Variants in SYT11 observed in about 807,000 individuals in gnomAD.
The protein encoded by SYT11 is synaptotagmin 11, also known as synaptotagmin-11.
In SYT11, 12 loss-of-function variants were observed where a neutral mutation model predicts 30.4. The ratio of observed to expected loss-of-function variants is 0.39; its 90% CI spans 0.25 to 0.64. The LOEUF (loss-of-function observed/expected upper bound fraction) is 0.64, where lower values mean the gene tolerates loss of function less well. SYT11 is among the 30% of genes least tolerant of loss of function. The probability of loss-of-function intolerance (pLI) is 0.45; values close to 1 mark genes in which losing one functional copy is unlikely to be tolerated. For missense variants in SYT11, 412 were observed against 552.0 expected (o/e 0.75, Z 2.54); for synonymous variants, 204 against 216.0 (o/e 0.94, Z 0.49).
At chr1:155,869,711 G>A (rs960648656) in intron 2 of SYT11, among the ~76,000 whole-genome samples, 10 of 152,046 alleles carry the variant, frequency 6.6e-5, no homozygotes, top group Admixed American at 5.9e-4. Flanking sequence ...GAAGAGGGAC[G>A]AGGGCCCTCC....
chr1:155,859,648 C>A lies in SYT11; in HGVS notation c.-114C>A, dbSNP rs1672514782. On this transcript the variant is annotated 5_prime_UTR_variant, in exon 1 of 4. Transcript: ENST00000368324. ...CGTCGCAGGAGGCGTCCGCTGGATA[C>A]CTTCCCCCTTCCCTGACCTAGAGCT... 2 of 998,426 alleles carry A rather than the reference C, an allele frequency of 2.0e-6. No homozygotes were observed. The highest frequency in any genetic ancestry group is 3.2e-6 in the Non-Finnish European group (2 of 626,370). The allele number at this position is 998,426 out of a possible 1,614,324, so 61.8% of individuals were successfully genotyped here.
At chr1:155,880,409 T>TC in intron 2 of SYT11, 91 bp from the exon 3 acceptor site, 1 of 1,504,506 alleles carries the variant, frequency 6.6e-7, no homozygotes, top group Non-Finnish European at 9.0e-7. Flanking sequence ...GCACTTGTCC[T>TC]CCCCCAGACT....
At chr1:155,873,297 G>A (rs1557948775) in intron 2 of SYT11, among the ~76,000 whole-genome samples, 1 of 152,034 alleles carries the variant, frequency 6.6e-6, no homozygotes, top group Non-Finnish European at 1.5e-5. Flanking sequence ...GTGGTGGCAC[G>A]TGCCTGTAGT....
Position 155,860,263 on chromosome 1 carries a change from G to C in SYT11, c.34+468G>C, listed in dbSNP as rs1408078280. The stretch of plus-strand genomic sequence containing the variant: ...CAAGATGGCAGCTTGGAGACTGTGG[G>C]CCGTGTGGCTGGCAGCCAGGGGAGG... On this transcript the variant is annotated intron_variant, in intron 1 of 3. Transcript: ENST00000368324. The surrounding 1 kb of genome is among the most constrained non-coding windows in gnomAD (Gnocchi z 4.1). Among the ~76,000 whole-genome samples, 1 of 152,200 alleles carries C rather than the reference G, an allele frequency of 6.6e-6. No individual in the cohort carries two copies. The highest frequency in any genetic ancestry group is 2.4e-5 in the African/African-American group (1 of 41,446).
intron 1 of SYT11, 69 bp downstream of exon 1, chr1:155,859,864 C>T: frequency 6.8e-7 from 1 of 1,474,734 alleles, no homozygotes. Flanking sequence ...GGCCCAGCGG[C>T]AGGGCAGAGA....
intron 1 of SYT11, among the ~76,000 whole-genome samples, chr1:155,865,628 CAAA>C (rs1245542156): frequency 6.6e-5 from 7 of 105,402 alleles, no homozygotes; most frequent in Admixed American, 9.8e-5. Context: ...AACTCTGTCT[CAAA>C]AAAAAAAAAA....
At chr1:155,873,101 C>T (rs1264139570) in intron 2 of SYT11, among the ~76,000 whole-genome samples, 1 of 152,112 alleles carries the variant, frequency 6.6e-6, no homozygotes, top group South Asian at 2.1e-4. Flanking sequence ...TCTTGTCATT[C>T]GTGTTATTCT....
chr1:155,879,056 A>T (rs1345023995), intron 2 of SYT11, among the ~76,000 whole-genome samples: 1 of 152,088 alleles, frequency 6.6e-6, no homozygotes, highest in African/African-American at 2.4e-5. Context: ...GGGAGCAACA[A>T]CTGAGTCCCA....
At chr1:155,875,861 T>C (rs977924493) in intron 2 of SYT11, among the ~76,000 whole-genome samples, 1 of 152,242 alleles carries the variant, frequency 6.6e-6, no homozygotes, top group Non-Finnish European at 1.5e-5. Context: ...GGCTTATTTC[T>C]TGTTTTTTAT....
chr1:155,879,778 A>G (rs1672932011), intron 2 of SYT11, among the ~76,000 whole-genome samples: 1 of 152,266 alleles, frequency 6.6e-6, no homozygotes, highest in African/African-American at 2.4e-5. Context: ...ATTGCAGTTT[A>G]CAAATTTTAA....
At chr1:155,873,662 T>C (rs567777275) in intron 2 of SYT11, among the ~76,000 whole-genome samples, 5 of 152,358 alleles carry the variant, frequency 3.3e-5, no homozygotes, top group Admixed American at 6.5e-5. Flanking sequence ...CTAATGATGA[T>C]AGAAATGTTC....
At chr1:155,876,504 C>T (rs894738285) in intron 2 of SYT11, among the ~76,000 whole-genome samples, 4 of 151,934 alleles carry the variant, frequency 2.6e-5, no homozygotes, top group Non-Finnish European at 5.9e-5. Context: ...CCTCGGCCTC[C>T]CAAAGTGCTG....
intron 1 of SYT11, among the ~76,000 whole-genome samples, chr1:155,863,364 G>C (rs2102553907): frequency 6.6e-6 from 1 of 152,190 alleles, no homozygotes; most frequent in East Asian, 1.9e-4. Flanking sequence ...AGGGTAGTAA[G>C]ATTGCTTGAG....
intron 1 of SYT11, 71 bp downstream of exon 1, chr1:155,859,866 G>A: frequency 6.8e-7 from 1 of 1,465,640 alleles, no homozygotes; most frequent in Non-Finnish European, 9.6e-7. Context: ...CCCAGCGGCA[G>A]GGCAGAGAAT....
intron 2 of SYT11, among the ~76,000 whole-genome samples, chr1:155,879,749 G>A (rs766729606): frequency 1.3e-5 from 2 of 152,224 alleles, no homozygotes; most frequent in African/African-American, 2.4e-5. Flanking sequence ...TCTATAGTGC[G>A]CACTATGTGC....
intron 2 of SYT11, among the ~76,000 whole-genome samples, chr1:155,876,964 CTTT>C (rs11337901): frequency 4.3e-5 from 5 of 117,006 alleles, no homozygotes; most frequent in Middle Eastern, 4.1e-3. Context: ...TTTTCTATTT[CTTT>C]TTTTTTTTTT....
chr1:155,878,888 T>A (rs930396888), intron 2 of SYT11, among the ~76,000 whole-genome samples: 23 of 150,604 alleles, frequency 1.5e-4, no homozygotes, highest in African/African-American at 2.2e-4. Flanking sequence ...AATTAAAAAA[T>A]AAATAAATAA....
chr1:155,869,934 A>C (rs1471370112), intron 2 of SYT11, among the ~76,000 whole-genome samples: 4 of 152,346 alleles, frequency 2.6e-5, no homozygotes, highest in Admixed American at 2.6e-4. Context: ...CAGCCGTGTG[A>C]CACGGGTGAG....
intron 2 of SYT11, among the ~76,000 whole-genome samples, chr1:155,869,375 A>G (rs1672747208): frequency 1.4e-5 from 2 of 142,262 alleles, no homozygotes; most frequent in Admixed American, 1.6e-4. Flanking sequence ...GGTTCAAGCT[A>G]TTCTCCTGCC....
Sources: allele counts gnomAD v4.1 joint callset (sites outside exome capture counted in the v4.1 genomes callset), GRCh38; gene constraint gnomAD v4.1.1; non-coding constraint Gnocchi (gnomAD v3.1); transcripts MANE v1.5; gene names NCBI Gene and HGNC (gene_info 2026-07-23, HGNC 2026-07-21).